The following DOK5 variants were observed in gnomAD, a reference collection of about 807,000 sequenced individuals.
The protein encoded by DOK5 is downstream of tyrosine kinase 5.
Under a neutral mutation model 43.3 loss-of-function variants are expected in DOK5, and 27 were observed. The observed-to-expected ratio is 0.62, with a 90% CI of 0.46 to 0.86. The LOEUF (loss-of-function observed/expected upper bound fraction) is 0.86, where lower values mean the gene tolerates loss of function less well. DOK5 is among the 40% of genes least tolerant of loss of function. The pLI, the probability that DOK5 is intolerant of heterozygous loss-of-function variation, is 0.00. For missense variants in DOK5, 373 were observed against 392.9 expected (o/e 0.95, Z 0.43); for synonymous variants, 146 against 140.1 (o/e 1.04, Z -0.30).
At chr20:54,575,916 C>T (rs1021739090) in intron 2 of DOK5, among the ~76,000 whole-genome samples, 5 of 152,124 alleles carry the variant, frequency 3.3e-5, no homozygotes, top group African/African-American at 1.2e-4. Context: ...ATTGTTCATC[C>T]TAAGTAGAGG....
chr20:54,598,136 T>A (rs932164897), intron 5 of DOK5, among the ~76,000 whole-genome samples: 2 of 152,238 alleles, frequency 1.3e-5, no homozygotes, highest in African/African-American at 4.8e-5. Flanking sequence ...TTCTGCACAG[T>A]GTTTTTCTCC....
intron 1 of DOK5, among the ~76,000 whole-genome samples, chr20:54,554,659 C>CT (rs1313997979): frequency 3.3e-5 from 5 of 152,226 alleles, no homozygotes; most frequent in East Asian, 1.9e-4. Context: ...ATCTCTGGGA[C>CT]TTTTTTCTGA....
intron 4 of DOK5, among the ~76,000 whole-genome samples, chr20:54,589,496 G>T (rs1234836401): frequency 1.3e-5 from 2 of 152,124 alleles, no homozygotes; most frequent in Admixed American, 1.3e-4. Context: ...AAATATTCAT[G>T]AACACTTCAG....
At chr20:54,490,967 T>C (rs1313043128) in intron 1 of DOK5, among the ~76,000 whole-genome samples, 1 of 152,230 alleles carries the variant, frequency 6.6e-6, no homozygotes, top group Non-Finnish European at 1.5e-5. Context: ...CGTCCATGTC[T>C]TTGCCATCTC....
chr20:54,497,801 T>G (rs866855749), intron 1 of DOK5, among the ~76,000 whole-genome samples: 2 of 152,202 alleles, frequency 1.3e-5, no homozygotes, highest in Non-Finnish European at 2.9e-5. Context: ...TTTGTATTTT[T>G]GTGCTTTTGT....
chr20:54,608,667 C>CTTTTT (rs11353769), intron 5 of DOK5, among the ~76,000 whole-genome samples: 1 of 134,332 alleles, frequency 7.4e-6, no homozygotes. Flanking sequence ...TCTTCTTCTT[C>CTTTTT]TTTTTTTTTT....
At chr20:54,492,578 A>C (rs1223326870) in intron 1 of DOK5, among the ~76,000 whole-genome samples, 1 of 150,608 alleles carries the variant, frequency 6.6e-6, no homozygotes, top group Admixed American at 6.6e-5. Context: ...AAAAAGAGTT[A>C]CTCTTACACA....
chr20:54,581,528 C>T (rs551219242), intron 2 of DOK5, among the ~76,000 whole-genome samples: 1 of 151,680 alleles, frequency 6.6e-6, no homozygotes, highest in African/African-American at 2.4e-5. Flanking sequence ...AAACAGGATG[C>T]CTTTCAATTT....
At chr20:54,598,405 A>G (rs1317850859) in intron 5 of DOK5, among the ~76,000 whole-genome samples, 1 of 152,144 alleles carries the variant, frequency 6.6e-6, no homozygotes, top group East Asian at 1.9e-4. Context: ...CTAATTTTTT[A>G]TGGGAAGATC....
At chr20:54,554,540 G>A (rs1984646148) in intron 1 of DOK5, among the ~76,000 whole-genome samples, 1 of 152,162 alleles carries the variant, frequency 6.6e-6, no homozygotes, top group African/African-American at 2.4e-5. Flanking sequence ...TCTAGGATGG[G>A]CAATGAGATC....
intron 1 of DOK5, among the ~76,000 whole-genome samples, chr20:54,536,883 T>C (rs943286810): frequency 1.3e-5 from 2 of 152,094 alleles, no homozygotes; most frequent in Admixed American, 6.5e-5. Flanking sequence ...TCCACACCCA[T>C]CAGTAACAAG....
chr20:54,618,804 G>A (rs1986894728), intron 6 of DOK5, among the ~76,000 whole-genome samples: 1 of 151,668 alleles, frequency 6.6e-6, no homozygotes, highest in Non-Finnish European at 1.5e-5. Context: ...GATTGTTTGA[G>A]GCCAGGAGTT....
intron 1 of DOK5, among the ~76,000 whole-genome samples, chr20:54,504,994 C>T (rs1982752578): frequency 6.6e-6 from 1 of 152,084 alleles, no homozygotes; most frequent in Non-Finnish European, 1.5e-5. Context: ...CACTGAGATG[C>T]TTCTATTCAT....
intron 6 of DOK5, among the ~76,000 whole-genome samples, chr20:54,622,816 G>C (rs1987023216): frequency 6.6e-6 from 1 of 152,114 alleles, no homozygotes; most frequent in Non-Finnish European, 1.5e-5. Context: ...GTCGAGCATG[G>C]CAAAGAAGAG....
chr20:54,495,346 G>T (rs536495354), intron 1 of DOK5, among the ~76,000 whole-genome samples: 3 of 152,236 alleles, frequency 2.0e-5, no homozygotes, highest in East Asian at 3.9e-4. Flanking sequence ...AAAAGGGAAT[G>T]CTGGTTATAG....
intron 2 of DOK5, among the ~76,000 whole-genome samples, chr20:54,564,178 C>T (rs1439808899): frequency 1.3e-5 from 2 of 152,106 alleles, no homozygotes; most frequent in African/African-American, 4.8e-5. Flanking sequence ...AATCCCAGCA[C>T]TTTGGGAGGC....
chr20:54,518,087 G>GC (rs1237343472), intron 1 of DOK5, among the ~76,000 whole-genome samples: 2 of 151,880 alleles, frequency 1.3e-5, no homozygotes, highest in African/African-American at 4.8e-5. Context: ...ATTCTCAGTT[G>GC]CCCCCTCTGG....
intron 2 of DOK5, among the ~76,000 whole-genome samples, chr20:54,566,072 C>T (rs549552814): frequency 2.7e-5 from 4 of 150,048 alleles, no homozygotes; most frequent in South Asian, 2.1e-4. Flanking sequence ...TTTTGTGTTG[C>T]CCTTTCATAA....
intron 1 of DOK5, among the ~76,000 whole-genome samples, chr20:54,501,466 CAAAAAAAAAAAA>C (rs76224592): frequency 1.0e-4 from 2 of 19,458 alleles, no homozygotes; most frequent in Admixed American, 7.0e-4. Flanking sequence ...GACTCACTCT[CAAAAAAAAAAAA>C]AAAAAAAAAA....
Sources: gnomAD v4.1 joint callset for allele counts (sites outside exome capture counted in the v4.1 genomes callset) on GRCh38, gnomAD v4.1.1 for gene constraint, MANE v1.5 for transcripts, NCBI Gene and HGNC (gene_info 2026-07-23, HGNC 2026-07-21) for gene names.